RIN3: variants seen among roughly 807,000 people sequenced by gnomAD.
The protein encoded by RIN3 is RAB5 interacting protein 3.
In RIN3, 54 loss-of-function variants were observed where a neutral mutation model predicts 76.3. The observed-to-expected ratio is 0.71, with a 90% CI of 0.57 to 0.89. The LOEUF (loss-of-function observed/expected upper bound fraction) is 0.89, where lower values mean the gene tolerates loss of function less well. Ranked by LOEUF, RIN3 falls within the 40% of genes least tolerant of loss-of-function variation. The pLI is 0.00. For missense variants in RIN3, 1,256 were observed against 1,322.1 expected (o/e 0.95, Z 0.78); for synonymous variants, 576 against 564.0 (o/e 1.02, Z -0.30).
intron 3 of RIN3, among the ~76,000 whole-genome samples, chr14:92,585,023 T>C (rs1011301319): frequency 1.3e-5 from 2 of 152,158 alleles, no homozygotes; most frequent in Admixed American, 6.5e-5. Flanking sequence ...TATTTATTTA[T>C]AGAGACAGAG....
At chr14:92,628,025 C>A (rs1269450433) in intron 4 of RIN3, among the ~76,000 whole-genome samples, 1 of 152,170 alleles carries the variant, frequency 6.6e-6, no homozygotes, top group African/African-American at 2.4e-5. Context: ...TCGGACCACA[C>A]AATCTAGGCT....
rs1566891809 is a variant in RIN3, at chr14:92,659,146, CTT to C, written c.2027-14_2027-13del. 3 of 1,613,490 alleles carry C rather than the reference CTT, an allele frequency of 1.9e-6. No individual in the cohort carries two copies. Among genetic ancestry groups the C allele is most frequent in the Admixed American group, 3.3e-5 (2 of 59,910 alleles). ...CATCTGGTTTCCTCACCCTCGCTCT[CTT>C]GTTTACCTGCAGAAGCAATTGTAGA... On this transcript the variant is annotated splice_polypyrimidine_tract_variant and intron_variant, in intron 6 of 9. Transcript: ENST00000216487.
intron 2 of RIN3, among the ~76,000 whole-genome samples, chr14:92,567,573 G>A (rs958607153): frequency 6.6e-6 from 1 of 151,218 alleles, no homozygotes; most frequent in Non-Finnish European, 1.5e-5. Context: ...CATGGAAGCT[G>A]CATGCCTCTT....
At chr14:92,581,986 A>C (rs1884560641) in intron 3 of RIN3, among the ~76,000 whole-genome samples, 1 of 152,180 alleles carries the variant, frequency 6.6e-6, no homozygotes, top group Non-Finnish European at 1.5e-5. Context: ...ATCAGACAGC[A>C]CCCGGGGGAT....
At chr14:92,545,493 G>C (rs796455607) in intron 1 of RIN3, among the ~76,000 whole-genome samples, 1 of 151,378 alleles carries the variant, frequency 6.6e-6, no homozygotes, top group Non-Finnish European at 1.5e-5. Flanking sequence ...CACTCCTTTC[G>C]CCAGATTCAT....
intron 4 of RIN3, among the ~76,000 whole-genome samples, chr14:92,632,144 G>T (rs1886609253): frequency 6.6e-6 from 1 of 152,130 alleles, no homozygotes; most frequent in Non-Finnish European, 1.5e-5. Context: ...AAGTAAACCT[G>T]GGGCCACTCC....
intron 1 of RIN3, among the ~76,000 whole-genome samples, chr14:92,548,403 G>A (rs1897336539): frequency 6.6e-6 from 1 of 152,066 alleles, no homozygotes; most frequent in African/African-American, 2.4e-5. Flanking sequence ...GACCACTAGG[G>A]GTAGGGTAGG....
rs536215112 is a variant in RIN3, at chr14:92,659,051, G to A, written c.2027-110G>A. On this transcript the variant is annotated intron_variant, in intron 6 of 9. Coordinates refer to ENST00000216487, the MANE Select transcript of RIN3 (RefSeq NM_024832.5). Reference sequence around the variant, plus strand: ...GGGTATAACTGCTGGGGCTGTGAGTGTCCTTCCAGGGGCCAGGGGATGGGG... The same window carrying A: ...GGGTATAACTGCTGGGGCTGTGAGTATCCTTCCAGGGGCCAGGGGATGGGG... 9 of 991,064 alleles carry A rather than the reference G, an allele frequency of 9.1e-6. No homozygotes were observed. In the South Asian group the frequency reaches 1.3e-4, roughly 14 times the overall value. The allele number at this position is 991,064 out of a possible 1,614,324, so 61.4% of individuals were successfully genotyped here.
intron 5 of RIN3, among the ~76,000 whole-genome samples, chr14:92,649,844 C>G (rs1887345850): frequency 6.6e-6 from 1 of 152,172 alleles, no homozygotes; most frequent in Non-Finnish European, 1.5e-5. Flanking sequence ...ATTCAGGCAG[C>G]CAGACACAGG....
intron 3 of RIN3, among the ~76,000 whole-genome samples, chr14:92,586,059 T>C (rs1331655075): frequency 6.6e-6 from 1 of 152,246 alleles, no homozygotes; most frequent in Non-Finnish European, 1.5e-5. Context: ...ATTTCTCTGC[T>C]TCACTTTCCT....
In RIN3 at chr14:92,652,882, C is replaced by A. The variant is rs768719721; in HGVS notation, c.1833C>A (p.Asp611Glu). ...LYKKVVELAQ[D>E]KGSYFGSLVQ... ...AGAAGGTGGTGGAGCTGGCGCAGGACAAGGGCTCGTACTTTGGCAGCCTGG... is the reference window on the plus strand; with the variant it reads ...AGAAGGTGGTGGAGCTGGCGCAGGAAAAGGGCTCGTACTTTGGCAGCCTGG... The change falls in exon 6 of 10, where the codon GAC becomes GAA. Residue 611 changes from aspartate (D) to glutamate (E), a missense_variant. Around this residue, in one of 3 missense-constraint regions of RIN3, gnomAD observed 428 missense variants for 521.2 expected, o/e 0.82. Transcript: ENST00000216487. This position sits in a 1 kb window ranked among gnomAD's most constrained non-coding sequence, Gnocchi z 6.4. 6.2e-7 allele frequency: 1 copy of A among 1,614,090 alleles called. No homozygotes were observed. The highest frequency in any genetic ancestry group is 1.1e-5 in the South Asian group (1 of 91,092).
chr14:92,673,233 AC>A (rs1283291824), intron 7 of RIN3, among the ~76,000 whole-genome samples: 1 of 152,152 alleles, frequency 6.6e-6, no homozygotes, highest in Non-Finnish European at 1.5e-5. Flanking sequence ...ATTCCCAAAG[AC>A]TTTTCCATGG....
At chr14:92,601,881 C>T (rs1254045995) in intron 3 of RIN3, among the ~76,000 whole-genome samples, 3 of 152,360 alleles carry the variant, frequency 2.0e-5, no homozygotes, top group East Asian at 3.9e-4. Context: ...CTATAAATAG[C>T]TCCCAGACAA....
At chr14:92,560,828 G>C (rs760936703) in intron 2 of RIN3, among the ~76,000 whole-genome samples, 4 of 151,134 alleles carry the variant, frequency 2.6e-5, no homozygotes, top group Non-Finnish European at 4.4e-5. Flanking sequence ...AGACCAGCCT[G>C]GTCAACATGA....
At chr14:92,657,974 C>T (rs1008770991) in intron 6 of RIN3, among the ~76,000 whole-genome samples, 1 of 152,184 alleles carries the variant, frequency 6.6e-6, no homozygotes, top group African/African-American at 2.4e-5. Context: ...GGCTTGGGAC[C>T]TCCCCTTACT....
chr14:92,657,368 A>G (rs1048925585), intron 6 of RIN3, among the ~76,000 whole-genome samples: 2 of 14,602 alleles, frequency 1.4e-4, no homozygotes, highest in African/African-American at 1.6e-4. Flanking sequence ...CTCAAAAAAC[A>G]AAAAAGAAAA....
rs766286613 is a variant in RIN3, at chr14:92,684,977, G to A, written c.2468-10G>A. The A allele has an allele frequency of 1.2e-6, 2 of 1,606,358 alleles. No homozygotes were observed. On this transcript the variant is annotated splice_polypyrimidine_tract_variant and intron_variant, in intron 8 of 9. Transcript: ENST00000216487. ...GTCCTGGCTCAGATTCCACACCCTT[G>A]TCCACGCAGGTTCCTACTATCTGAC...
intron 2 of RIN3, chr14:92,576,126 C>A: frequency 1.1e-6 from 1 of 918,528 alleles, no homozygotes; most frequent in Non-Finnish European, 1.5e-6. Flanking sequence ...GAGGGATGCC[C>A]CCTCCCCCTT....
At chr14:92,620,400 G>A (rs567335024) in intron 4 of RIN3, among the ~76,000 whole-genome samples, 56 of 152,304 alleles carry the variant, frequency 3.7e-4, no homozygotes, top group African/African-American at 6.0e-4. Flanking sequence ...AAGAGTATAC[G>A]CAGAACACTT....
Sources: gnomAD v4.1 joint callset for allele counts (sites outside exome capture counted in the v4.1 genomes callset) on GRCh38, gnomAD v4.1.1 for gene constraint, gnomAD v4.1.1 regional missense constraint, Gnocchi (gnomAD v3.1) non-coding constraint, MANE v1.5 for transcripts, NCBI Gene and HGNC (gene_info 2026-07-23, HGNC 2026-07-21) for gene names.